Variants in XIRP2 observed in about 807,000 individuals in gnomAD.
XIRP2 encodes xin actin-binding repeat-containing protein 2.
Under a neutral mutation model 277.0 loss-of-function variants are expected in XIRP2, and 236 were observed. The observed-to-expected ratio is 0.85, with a 90% confidence interval of 0.77 to 0.95. The LOEUF is 0.95. Among genes scored for constraint, XIRP2 ranks in the 40% least tolerant of loss-of-function variants. The pLI, the probability that XIRP2 is intolerant of heterozygous loss-of-function variation, is 0.00. For synonymous variants in XIRP2, 1,490 were observed against 1,416.5 expected (o/e 1.05, Z -1.17); for missense variants, 4,640 against 4,157.5 (o/e 1.12, Z -3.19).
At chr2:167,161,994 A>C (rs186767701) in intron 3 of XIRP2, among the ~76,000 whole-genome samples, 2 of 152,104 alleles carry the variant, frequency 1.3e-5, no homozygotes, top group Non-Finnish European at 2.9e-5. Flanking sequence ...AAGTTCCACA[A>C]ATCTCTAGGG....
chr2:167,058,491 A>G (rs1054890682), intron 2 of XIRP2, among the ~76,000 whole-genome samples: 2 of 152,100 alleles, frequency 1.3e-5, no homozygotes, highest in Non-Finnish European at 1.5e-5. Context: ...GACTGGCGAG[A>G]TCTTCTGGTC....
At chr2:167,066,568 C>T (rs1016179534) in intron 2 of XIRP2, among the ~76,000 whole-genome samples, 2 of 152,024 alleles carry the variant, frequency 1.3e-5, no homozygotes, top group Middle Eastern at 3.2e-3. Context: ...ATAGCAGTTA[C>T]TCAAAAAAGT....
chr2:167,187,756 A>C (rs1193976099), intron 3 of XIRP2, among the ~76,000 whole-genome samples: 2 of 152,220 alleles, frequency 1.3e-5, no homozygotes, highest in East Asian at 3.9e-4. Context: ...TTCATATTTA[A>C]TATTGAAGAA....
intron 3 of XIRP2, among the ~76,000 whole-genome samples, chr2:167,140,122 G>A (rs956480028): frequency 3.3e-5 from 5 of 152,128 alleles, no homozygotes; most frequent in Admixed American, 3.3e-4. Context: ...GAGAACTAGG[G>A]ATGATCTCCT....
intron 3 of XIRP2, among the ~76,000 whole-genome samples, chr2:167,203,865 T>G (rs562865065): frequency 6.6e-6 from 1 of 152,364 alleles, no homozygotes; most frequent in South Asian, 2.1e-4. Flanking sequence ...TGTATTGGTA[T>G]GCTATCCTGC....
At chr2:167,256,577 G>A (rs1695663762) in intron 10 of XIRP2, among the ~76,000 whole-genome samples, 1 of 151,328 alleles carries the variant, frequency 6.6e-6, no homozygotes, top group African/African-American at 2.4e-5. Flanking sequence ...TATTTTTAGG[G>A]CATGTTTTTC....
chr2:167,125,448 C>G (rs1206023467), intron 2 of XIRP2, among the ~76,000 whole-genome samples: 2 of 152,156 alleles, frequency 1.3e-5, no homozygotes, highest in South Asian at 2.1e-4. Context: ...TAGCATCAGA[C>G]TGAAATAGTC....
At chr2:167,228,636 C>A (rs1694674778) in intron 5 of XIRP2, among the ~76,000 whole-genome samples, 1 of 152,026 alleles carries the variant, frequency 6.6e-6, no homozygotes, top group African/African-American at 2.4e-5. Flanking sequence ...GGTGCCCTGG[C>A]CGTTTTTCTC....
At chr2:167,210,580 T>C (rs1243071420) in intron 3 of XIRP2, among the ~76,000 whole-genome samples, 155 bp from the exon 4 acceptor site, 2 of 152,228 alleles carry the variant, frequency 1.3e-5, no homozygotes, top group African/African-American at 4.8e-5. Context: ...CTTGAAAGCT[T>C]GAAGGAGATG....
At chr2:167,146,209 A>G (rs1398964790) in intron 3 of XIRP2, among the ~76,000 whole-genome samples, 1 of 152,128 alleles carries the variant, frequency 6.6e-6, no homozygotes, top group African/African-American at 2.4e-5. Flanking sequence ...AAAGAATTTA[A>G]TTATACAGAA....
intron 2 of XIRP2, among the ~76,000 whole-genome samples, chr2:167,130,189 G>A (rs1359637309): frequency 6.6e-6 from 1 of 151,670 alleles, no homozygotes; most frequent in Non-Finnish European, 1.5e-5. Context: ...CCATGTACCT[G>A]GAGACCATTC....
At chr2:167,242,541 A>T in intron 8 of XIRP2, 28 bp from the exon 9 acceptor site, 2 of 1,581,928 alleles carry the variant, frequency 1.3e-6, no homozygotes, top group South Asian at 2.4e-5. Context: ...ACTCACCTTT[A>T]TAAGATTTGA....
chr2:167,244,750 C>A lies in XIRP2; in HGVS notation c.3358C>A (p.His1120Asn). ...GTTAATGACCAGCAGTGAAGAAATT[C>A]ATAAGGGAGATGTCAAAACTTGTAC... The part of the protein sequence containing the change: ...VSLMTSSEEI[H>N]KGDVKTCTWL... The change falls in exon 9 of 11, where the codon CAT becomes AAT. Residue 1120 changes from histidine to asparagine, a missense_variant. Coordinates refer to ENST00000409195, the MANE Select transcript of XIRP2 (RefSeq NM_152381.6). 1 of 1,613,168 alleles carries A rather than the reference C, an allele frequency of 6.2e-7. No individual in the cohort carries two copies. Among genetic ancestry groups the A allele is most frequent in the Non-Finnish European group, 8.5e-7 (1 of 1,179,652 alleles).
chr2:167,108,547 C>T (rs1690666478), intron 2 of XIRP2, among the ~76,000 whole-genome samples: 1 of 151,824 alleles, frequency 6.6e-6, no homozygotes, highest in South Asian at 2.1e-4. Flanking sequence ...ATTGTTTGTT[C>T]TTTCAGTTGA....
chr2:166,907,347 A>ATGTAATT (rs1347980972), intron 2 of XIRP2, among the ~76,000 whole-genome samples: 1 of 152,220 alleles, frequency 6.6e-6, no homozygotes, highest in Non-Finnish European at 1.5e-5. Flanking sequence ...CCTTGTTATT[A>ATGTAATT]TGTAATTTGT....
At chr2:167,061,280 T>C (rs1257596802) in intron 2 of XIRP2, among the ~76,000 whole-genome samples, 4 of 152,138 alleles carry the variant, frequency 2.6e-5, no homozygotes, top group Non-Finnish European at 5.9e-5. Context: ...ACATGAACAA[T>C]CATGTTACCT....
intron 3 of XIRP2, among the ~76,000 whole-genome samples, chr2:167,194,359 G>A (rs1693439357): frequency 6.6e-6 from 1 of 152,116 alleles, no homozygotes; most frequent in South Asian, 2.1e-4. Context: ...GGGATTACAG[G>A]CGTGAGCCAC....
intron 2 of XIRP2, among the ~76,000 whole-genome samples, chr2:166,937,960 A>G (rs1224379952): frequency 6.6e-6 from 1 of 151,784 alleles, no homozygotes. Context: ...ATCATTTTTT[A>G]TTGGGTCTAT....
chr2:166,987,362 G>A (rs1011484899), intron 2 of XIRP2, among the ~76,000 whole-genome samples: 1 of 152,108 alleles, frequency 6.6e-6, no homozygotes, highest in Non-Finnish European at 1.5e-5. Context: ...GCAATAACAG[G>A]ATAATCGTCT....
Sources: gnomAD v4.1 joint callset for allele counts (sites outside exome capture counted in the v4.1 genomes callset) on GRCh38, gnomAD v4.1.1 for gene constraint, MANE v1.5 for transcripts, NCBI Gene and HGNC (gene_info 2026-07-23, HGNC 2026-07-21) for gene names.